Variants in MCF2L2 observed in about 807,000 individuals in gnomAD.
MCF2L2 encodes the protein probable guanine nucleotide exchange factor MCF2L2.
A neutral mutation model predicts 150.2 loss-of-function variants in MCF2L2; 102 were observed. The observed-to-expected ratio is 0.68, with a 90% CI of 0.58 to 0.80. MCF2L2 has a LOEUF of 0.80. MCF2L2 is among the 30% of genes least tolerant of loss of function. MCF2L2 has a pLI of 0.00. For missense variants in MCF2L2, 1,256 were observed against 1,372.8 expected, an observed-to-expected ratio of 0.91 and a Z score of 1.34; for synonymous variants, 465 against 491.3, an observed-to-expected ratio of 0.95 and a Z score of 0.71.
intron 15 of MCF2L2, among the ~76,000 whole-genome samples, chr3:183,259,725 C>T (rs1376898774): frequency 1.3e-5 from 2 of 152,064 alleles, no homozygotes; most frequent in South Asian, 2.1e-4. Flanking sequence ...CACCCTCCTG[C>T]GACTTTGGAT....
intron 15 of MCF2L2, among the ~76,000 whole-genome samples, chr3:183,251,231 C>T (rs1047255336): frequency 2.0e-5 from 3 of 152,208 alleles, no homozygotes; most frequent in Non-Finnish European, 4.4e-5. Context: ...AGACAAATTT[C>T]GCTAAACAGG....
intron 13 of MCF2L2, among the ~76,000 whole-genome samples, chr3:183,290,637 G>T (rs144572303): frequency 5.9e-5 from 9 of 151,924 alleles, no homozygotes; most frequent in Admixed American, 5.9e-4. Context: ...AGGTTCAAGC[G>T]ATTCTTCTGC....
intron 1 of MCF2L2, among the ~76,000 whole-genome samples, chr3:183,392,191 A>C (rs1276000192): frequency 6.6e-6 from 1 of 152,266 alleles, no homozygotes; most frequent in African/African-American, 2.4e-5. Flanking sequence ...AGGGGAGCAG[A>C]CATTAGCGAA....
intron 21 of MCF2L2, among the ~76,000 whole-genome samples, chr3:183,216,578 A>AT (rs1722944935): frequency 8.9e-4 from 6 of 6,770 alleles, no homozygotes; most frequent in East Asian, 0.01. Flanking sequence ...ATATATATAT[A>AT]TATTTTTTTT....
chr3:183,417,144 A>C (rs4303894), intron 1 of MCF2L2, among the ~76,000 whole-genome samples: 16,234 of 144,494 alleles, frequency 0.11, 1,162 homozygotes, highest in East Asian at 0.18. Flanking sequence ...AAAAAAAAAA[A>C]ATGGTAATTT....
At chr3:183,402,160 T>C (rs1317133152) in intron 1 of MCF2L2, among the ~76,000 whole-genome samples, 4 of 152,060 alleles carry the variant, frequency 2.6e-5, no homozygotes, top group African/African-American at 4.8e-5. Flanking sequence ...TGAAAGAATA[T>C]AGGCCGGGCA....
intron 13 of MCF2L2, among the ~76,000 whole-genome samples, chr3:183,289,587 G>A (rs1246639579): frequency 6.6e-6 from 1 of 152,192 alleles, no homozygotes; most frequent in East Asian, 1.9e-4. Context: ...TGGGTTTGGT[G>A]GCTCACACCT....
chr3:183,328,757 G>A (rs1006085130), intron 5 of MCF2L2, among the ~76,000 whole-genome samples: 4 of 152,072 alleles, frequency 2.6e-5, no homozygotes, highest in African/African-American at 4.8e-5. Flanking sequence ...TACAAACTGA[G>A]AGAAAATATT....
At chr3:183,357,218 T>G (rs11708041) in intron 3 of MCF2L2, among the ~76,000 whole-genome samples, 47,841 of 151,924 alleles carry the variant, frequency 0.31, 7,990 homozygotes, top group African/African-American at 0.43. Context: ...ACAAATCCCA[T>G]GCCTTGAGAA....
At chr3:183,278,193 AATATATAT>A (rs201638839) in intron 14 of MCF2L2, among the ~76,000 whole-genome samples, 1 of 140,390 alleles carries the variant, frequency 7.1e-6, no homozygotes, top group Non-Finnish European at 1.5e-5. Context: ...CAAAAGAAAA[AATATATAT>A]ATATATATAT....
intron 3 of MCF2L2, among the ~76,000 whole-genome samples, chr3:183,364,176 G>A (rs1398074708): frequency 6.6e-6 from 1 of 152,062 alleles, no homozygotes; most frequent in Admixed American, 6.6e-5. Context: ...TCATAAATGA[G>A]AGAAAATGAA....
In MCF2L2 at chr3:183,300,088, G is replaced by A. The variant is rs1188964552; in HGVS notation, c.1222C>T (p.Leu408Phe). ...IRPRCVELRH[L>F]CDDFINGNKK... is the part of the protein sequence containing the mutation. ...TTTCCATTGATGAAATCGTCACAGA[G>A]GTGCCTGAGCTCCACACACCGGGGC... is the stretch of plus-strand genomic sequence containing the variant. The change falls in exon 11 of 30, where the codon CTC becomes TTC. Residue 408 changes from leucine to phenylalanine, a missense_variant. By Grantham distance (22) the Leu-to-Phe change is conservative. Coordinates refer to ENST00000328913, the MANE Select transcript of MCF2L2 (RefSeq NM_015078.4). The A allele has an allele frequency of 1.9e-6, 3 of 1,613,720 alleles. No individual in the cohort carries two copies. The highest frequency in any genetic ancestry group is 2.7e-5 in the African/African-American group (2 of 74,862).
At chr3:183,335,064 G>C (rs1469964079) in intron 5 of MCF2L2, among the ~76,000 whole-genome samples, 1 of 151,372 alleles carries the variant, frequency 6.6e-6, no homozygotes, top group African/African-American at 2.4e-5. Flanking sequence ...GCTGCAGTGA[G>C]CTGTGATGGC....
chr3:183,291,181 A>G (rs1357319121), intron 13 of MCF2L2, among the ~76,000 whole-genome samples: 1 of 152,242 alleles, frequency 6.6e-6, no homozygotes, highest in African/African-American at 2.4e-5. Context: ...CTAGAAATGC[A>G]TGCACTATAA....
intron 12 of MCF2L2, 121 bp downstream of exon 12, chr3:183,296,855 G>A (rs1040413060): frequency 9.0e-7 from 1 of 1,109,938 alleles, no homozygotes; most frequent in African/African-American, 1.6e-5. Flanking sequence ...TTCGGAACCA[G>A]TGAGCCCACT....
intron 15 of MCF2L2, among the ~76,000 whole-genome samples, chr3:183,240,334 G>A (rs569217819): frequency 6.0e-4 from 92 of 152,254 alleles, no homozygotes; most frequent in Middle Eastern, 3.4e-3. Flanking sequence ...GGTTCAAATG[G>A]TTCTCGTGCC....
intron 15 of MCF2L2, among the ~76,000 whole-genome samples, chr3:183,262,135 A>G (rs541789589): frequency 7.9e-6 from 1 of 126,604 alleles, no homozygotes; most frequent in South Asian, 2.4e-4. Context: ...GTTTTATGAT[A>G]CTTTATTATA....
chr3:183,397,556 C>T (rs1028706005), intron 1 of MCF2L2, among the ~76,000 whole-genome samples: 9 of 152,180 alleles, frequency 5.9e-5, no homozygotes, highest in African/African-American at 2.2e-4. Flanking sequence ...GGGCCACATA[C>T]ATTCAAACCA....
intron 21 of MCF2L2, among the ~76,000 whole-genome samples, chr3:183,217,126 T>C (rs1722971939): frequency 6.6e-6 from 1 of 151,026 alleles, no homozygotes; most frequent in Non-Finnish European, 1.5e-5. Context: ...AAACCCCGTC[T>C]CTACTAAAAA....
Sources: allele counts gnomAD v4.1 joint callset (sites outside exome capture counted in the v4.1 genomes callset), GRCh38; gene constraint gnomAD v4.1.1; transcripts MANE v1.5; gene names NCBI Gene and HGNC (gene_info 2026-07-23, HGNC 2026-07-21).